Variants in CLCA2 observed in about 807,000 individuals in gnomAD.
The protein encoded by CLCA2 is chloride channel accessory 2, also known as calcium-activated chloride channel regulator 2.
In CLCA2, 85 loss-of-function variants were observed where a neutral mutation model predicts 82.9. The observed-to-expected ratio is 1.03, with a 90% CI of 0.86 to 1.23. The LOEUF is 1.23. CLCA2 is among the 50% of genes most tolerant of loss of function. The pLI, the probability that CLCA2 is intolerant of heterozygous loss-of-function variation, is 0.00. For synonymous variants in CLCA2, 421 were observed against 391.7 expected (o/e 1.07, Z -0.88); for missense variants, 1,089 against 1,124.8 (o/e 0.97, Z 0.45).
intron 2 of CLCA2, among the ~76,000 whole-genome samples, chr1:86,425,995 G>A (rs192761736): frequency 6.6e-6 from 1 of 152,238 alleles, no homozygotes; most frequent in East Asian, 1.9e-4. Flanking sequence ...AGAAGGAAGG[G>A]AGGAAGGATG....
intron 12 of CLCA2, among the ~76,000 whole-genome samples, chr1:86,452,789 A>G (rs1286702159): frequency 1.3e-5 from 2 of 152,130 alleles, no homozygotes; most frequent in Non-Finnish European, 2.9e-5. Context: ...TACTTTGTAA[A>G]TATATGTTTA....
At chr1:86,431,920 TTTG>T (rs1241116426) in intron 4 of CLCA2, among the ~76,000 whole-genome samples, 1 of 152,154 alleles carries the variant, frequency 6.6e-6, no homozygotes, top group Non-Finnish European at 1.5e-5. Flanking sequence ...TTTGTTTGTT[TTTG>T]TTGTTTGTTT....
chr1:86,450,943 A>AGATT (rs1662951196), intron 12 of CLCA2, among the ~76,000 whole-genome samples: 1 of 152,202 alleles, frequency 6.6e-6, no homozygotes, highest in Admixed American at 6.5e-5. Flanking sequence ...TAATGCCCAC[A>AGATT]GATTATACCT....
chr1:86,443,329 T>G (rs1662776426), intron 9 of CLCA2, among the ~76,000 whole-genome samples: 1 of 152,186 alleles, frequency 6.6e-6, no homozygotes, highest in South Asian at 2.1e-4. Context: ...GTGCCCGGCC[T>G]AAATAATTTT....
At chr1:86,429,385 G>A (rs1274087940) in intron 3 of CLCA2, among the ~76,000 whole-genome samples, 1 of 152,204 alleles carries the variant, frequency 6.6e-6, no homozygotes, top group Admixed American at 6.5e-5. Context: ...CAGAAGGAAA[G>A]GCAAGAGGCA....
chr1:86,455,232 A>G lies in CLCA2; in HGVS notation c.2537A>G (p.Asn846Ser). The G allele has an allele frequency of 6.2e-7, 1 of 1,614,154 alleles. No homozygotes were observed. The highest frequency in any genetic ancestry group is 8.5e-7 in the Non-Finnish European group (1 of 1,180,020). The stretch of plus-strand genomic sequence containing the variant: ...ACGTTCTCACCCCAAATTTCCACGA[A>G]TGGACCTGAACATCAGCCAAATGGA... ...IFTFSPQISTNGPEHQPNGET... is the reference protein window; with the variant it reads ...IFTFSPQISTSGPEHQPNGET... The change falls in exon 14 of 14, where the codon AAT (asparagine) becomes AGT (serine). Residue 846 changes from asparagine to serine, a missense_variant. Transcript: ENST00000370565.
rs116325532 is a variant in CLCA2, at chr1:86,431,521, C to G, written c.584+551C>G. The stretch of plus-strand genomic sequence containing the variant: ...AGACAGATTAACATATCAAATTCTT[C>G]CAACAATTACTGAGTCAAAGGGTGA... On this transcript the variant is annotated intron_variant, in intron 4 of 13. Coordinates refer to ENST00000370565, the MANE Select transcript of CLCA2 (RefSeq NM_006536.7). 7.7e-3 allele frequency among the ~76,000 whole-genome samples: 1,172 copies of G among 152,288 alleles called. 13 individuals carry two copies. The highest frequency in any genetic ancestry group is 0.027 in the African/African-American group (1,120 of 41,550).
rs187856256 is a variant in CLCA2 at position 86,426,549 on chromosome 1, G to A, written c.324+1073G>A. Among the ~76,000 whole-genome samples, 411 of 152,242 alleles carry A rather than the reference G, an allele frequency of 2.7e-3. 1 individual carries two copies. The highest frequency in any genetic ancestry group is 8.8e-3 in the African/African-American group (365 of 41,528). ...CTTGCACATGAAGATAGGATAGGTG[G>A]GGGAACTGGGGTAAGCTGGGAAGAG... On this transcript the variant is annotated intron_variant, in intron 2 of 13. Transcript: ENST00000370565.
At chr1:86,449,482 C>T (rs990337336) in intron 11 of CLCA2, among the ~76,000 whole-genome samples, 4 of 152,122 alleles carry the variant, frequency 2.6e-5, no homozygotes, top group Non-Finnish European at 4.4e-5. Context: ...CAAAGATAAA[C>T]CTTATTAATC....
In CLCA2 at chr1:86,455,394, A is replaced by G; in HGVS notation, c.2699A>G (p.Tyr900Cys). 1 of 1,609,254 alleles carries G rather than the reference A, an allele frequency of 6.2e-7. No homozygotes were observed. ...TCTGATCCTGTACCTGCCAGAGATT[A>G]TCTTATATTGAAAGGAGTTTTAACA... ...PNSDPVPARDYLILKGVLTAM... is the reference protein window; with the variant it reads ...PNSDPVPARDCLILKGVLTAM... The change falls in exon 14 of 14, where the codon TAT (tyrosine) becomes TGT (cysteine). Residue 900 changes from tyrosine (Y) to cysteine (C), a missense_variant. Coordinates refer to ENST00000370565, the MANE Select transcript of CLCA2 (RefSeq NM_006536.7).
At chr1:86,440,882 C>G (rs1051758348) in intron 8 of CLCA2, among the ~76,000 whole-genome samples, 1 of 152,080 alleles carries the variant, frequency 6.6e-6, no homozygotes, top group African/African-American at 2.4e-5. Context: ...GCCTGGGTGA[C>G]AGAACGAGAC....
intron 6 of CLCA2, among the ~76,000 whole-genome samples, chr1:86,437,521 G>A (rs972455430): frequency 1.3e-5 from 2 of 152,198 alleles, no homozygotes; most frequent in Non-Finnish European, 2.9e-5. Flanking sequence ...TGTAAGGAAA[G>A]AGAAGAAAGG....
intron 9 of CLCA2, among the ~76,000 whole-genome samples, chr1:86,443,023 C>A (rs1322518817): frequency 6.7e-6 from 1 of 148,336 alleles, no homozygotes; most frequent in South Asian, 2.1e-4. Flanking sequence ...TTGTGAATGG[C>A]TAAATAATTT....
Position 86,447,900 on chromosome 1 carries a change from A to G in CLCA2, c.1984+122A>G, listed in dbSNP as rs1319102487. 3.0e-6 allele frequency: 3 copies of G among 990,730 alleles called. No homozygotes were observed. The South Asian group carries it at 5.2e-5, about 17-fold the overall frequency. 61.4% of individuals were successfully genotyped at this position (990,730 alleles called of 1,614,324 possible). ...AGTTCAATTTTTTTTTAATCTTACAATATTCTCAAATTCTTATAGAGTCAC... is the reference window on the plus strand; with the variant it reads ...AGTTCAATTTTTTTTTAATCTTACAGTATTCTCAAATTCTTATAGAGTCAC... On this transcript the variant is annotated intron_variant, in intron 11 of 13. Coordinates refer to ENST00000370565, the MANE Select transcript of CLCA2 (RefSeq NM_006536.7).
At chr1:86,453,278 A>G (rs1441059624) in intron 12 of CLCA2, 91 bp from the exon 13 acceptor site, 16 of 867,620 alleles carry the variant, frequency 1.8e-5, no homozygotes, top group Non-Finnish European at 2.7e-5. Context: ...TAAAGAAAAA[A>G]AGGTTTAAGA....
At chr1:86,433,717 G>A (rs1240209659) in intron 5 of CLCA2, among the ~76,000 whole-genome samples, 1 of 152,202 alleles carries the variant, frequency 6.6e-6, no homozygotes, top group Non-Finnish European at 1.5e-5. Context: ...AGAAACTCAT[G>A]TCCTTAAGCA....
chr1:86,424,400 A>G lies in CLCA2; in HGVS notation c.153A>G (p.Val51=). The change falls in exon 1 of 14, where the codon GTA becomes GTG. Residue 51 remains valine (V), a synonymous_variant. Transcript: ENST00000370565. ...NGLLIAINPQ[V]PENQNLISNI... is the part of the protein sequence containing the mutation. ...TGCTCATTGCAATTAATCCTCAGGT[A>G]CCTGAGAATCAGAACCTCATCTCAA... 2.5e-6 allele frequency: 4 copies of G among 1,611,188 alleles called. No individual in the cohort carries two copies. The highest frequency in any genetic ancestry group is 3.4e-6 in the Non-Finnish European group (4 of 1,179,098).
chr1:86,434,426 C>A, intron 5 of CLCA2, 92 bp from the exon 6 acceptor site: 1 of 1,000,122 alleles, frequency 1.0e-6, no homozygotes, highest in Non-Finnish European at 1.5e-6. Flanking sequence ...TTTCAGTTCA[C>A]CTTTTCTTTT....
At chr1:86,436,480 G>A (rs1662612241) in intron 6 of CLCA2, among the ~76,000 whole-genome samples, 1 of 152,148 alleles carries the variant, frequency 6.6e-6, no homozygotes, top group African/African-American at 2.4e-5. Flanking sequence ...GAGTAAATGA[G>A]ATAATATGAA....
Sources: allele counts gnomAD v4.1 joint callset (sites outside exome capture counted in the v4.1 genomes callset), GRCh38; gene constraint gnomAD v4.1.1; transcripts MANE v1.5; gene names NCBI Gene and HGNC (gene_info 2026-07-23, HGNC 2026-07-21).